Variants in KCNQ1 observed in about 807,000 individuals in gnomAD.
KCNQ1 encodes potassium voltage-gated channel subfamily Q member 1.
Under a neutral mutation model 72.4 loss-of-function variants are expected in KCNQ1, and 49 were observed. That is an observed-to-expected ratio of 0.68 (90% CI 0.54 to 0.86). KCNQ1 has a LOEUF of 0.86. Among genes scored for constraint, KCNQ1 ranks in the 40% least tolerant of loss-of-function variants. KCNQ1 has a pLI of 0.00. For missense variants in KCNQ1, 790 were observed against 945.1 expected, an observed-to-expected ratio of 0.84 and a Z score of 2.15; for synonymous variants, 450 against 412.6, an observed-to-expected ratio of 1.09 and a Z score of -1.10.
rs554364928 is a variant in KCNQ1, at chr11:2,603,237, A to T, written c.1393+14383A>T. ...TATATTGTAGTCTATTAAGTGTGCA[A>T]TAGCCCCATGTCTAAGAAAACAATG... On this transcript the variant is annotated intron_variant, in intron 10 of 15. Transcript: ENST00000155840. The surrounding 1 kb of genome is among the most constrained non-coding windows in gnomAD (Gnocchi z 4.1). Among the ~76,000 whole-genome samples the T allele has an allele frequency of 6.6e-6, 1 of 152,338 alleles. No individual in the cohort carries two copies. Among genetic ancestry groups the T allele is most frequent in the African/African-American group, 2.4e-5 (1 of 41,574 alleles).
intron 2 of KCNQ1, 52 bp from the exon 3 acceptor site, chr11:2,570,576 G>T: frequency 1.2e-6 from 2 of 1,606,016 alleles, no homozygotes; most frequent in Non-Finnish European, 8.5e-7. Flanking sequence ...AGGGTCTGAA[G>T]CCACTCAAGG....
At position 2,559,158 on chromosome 11, in the gene KCNQ1, T is replaced by C. The variant is rs2133705459; in HGVS notation, c.478-11470T>C. 6.6e-6 allele frequency among the ~76,000 whole-genome samples: 1 copy of C among 151,952 alleles called. No homozygotes were observed. Among genetic ancestry groups the C allele is most frequent in the Non-Finnish European group, 1.5e-5 (1 of 67,926 alleles). On this transcript the variant is annotated intron_variant, in intron 2 of 15. Coordinates refer to ENST00000155840, the MANE Select transcript of KCNQ1 (RefSeq NM_000218.3). The surrounding 1 kb of genome is among the most constrained non-coding windows in gnomAD (Gnocchi z 4.9). ...CTCAAGGAGTGTCCCTTGAGCAAAATATTGCACTTTCGTTGCTCTCTGAAA... is the reference window on the plus strand; with the variant it reads ...CTCAAGGAGTGTCCCTTGAGCAAAACATTGCACTTTCGTTGCTCTCTGAAA...
intron 11 of KCNQ1, among the ~76,000 whole-genome samples, chr11:2,726,366 C>G (rs1036552196): frequency 3.3e-5 from 5 of 152,224 alleles, no homozygotes; most frequent in African/African-American, 1.2e-4. Context: ...AGATCACAGA[C>G]GGTGTGTCGA....
intron 1 of KCNQ1, among the ~76,000 whole-genome samples, chr11:2,456,938 C>CA (rs58543586): frequency 9.6e-5 from 5 of 52,070 alleles, no homozygotes; most frequent in East Asian, 4.2e-4. Context: ...GACTCGGTCT[C>CA]AAAAAAAAAA....
At chr11:2,688,949 G>A (rs1487874704) in intron 11 of KCNQ1, 13 of 398,740 alleles carry the variant, frequency 3.3e-5, no homozygotes, top group Non-Finnish European at 4.9e-5. Context: ...CACCCACTGG[G>A]CCTAGGGCTC....
intron 11 of KCNQ1, among the ~76,000 whole-genome samples, chr11:2,753,181 T>C (rs1013190109): frequency 6.6e-6 from 1 of 152,104 alleles, no homozygotes; most frequent in Admixed American, 6.5e-5. Context: ...GTGGATGTCA[T>C]TACATGAGCA....
rs1193375040 is a variant in KCNQ1, at chr11:2,782,859, T to C, written c.1794+4822T>C. 2.6e-5 allele frequency among the ~76,000 whole-genome samples: 4 copies of C among 152,210 alleles called. No homozygotes were observed. Among genetic ancestry groups the C allele is most frequent in the Non-Finnish European group, 2.9e-5 (2 of 68,028 alleles). ...GACACTATTCCCCTGTCTTATTAAA[T>C]GTTTCGTGGACTTCTGGCTTTGCTG... On this transcript the variant is annotated intron_variant, in intron 15 of 15. Transcript: ENST00000155840. This position sits in a 1 kb window ranked among gnomAD's most constrained non-coding sequence, Gnocchi z 6.1.
At chr11:2,634,650 G>A (rs1357009467) in intron 10 of KCNQ1, 2 of 152,192 alleles carry the variant, frequency 1.3e-5, no homozygotes, top group Non-Finnish European at 2.9e-5. Flanking sequence ...ACGTGTGCAT[G>A]TGTCTTTATA....
At chr11:2,615,877 A>G (rs1300392967) in intron 10 of KCNQ1, 3 of 398,046 alleles carry the variant, frequency 7.5e-6, no homozygotes, top group Non-Finnish European at 8.9e-6. Flanking sequence ...TACTGGCCTC[A>G]TAGAATGTAT....
rs1322329405 is a variant in KCNQ1, at chr11:2,626,743, G to T, written c.1394-35218G>T. On this transcript the variant is annotated intron_variant, in intron 10 of 15. Coordinates refer to ENST00000155840, the MANE Select transcript of KCNQ1 (RefSeq NM_000218.3). The surrounding 1 kb of genome is among the most constrained non-coding windows in gnomAD (Gnocchi z 4.0). ...GAGGTCTCCCTGTGTTCCCCAGGCT[G>T]GTCTCAAACTCCTGGACTCAGAAGT... 2.5e-6 allele frequency: 1 copy of T among 398,216 alleles called. No individual in the cohort carries two copies. Among genetic ancestry groups the T allele is most frequent in the African/African-American group, 2.1e-5 (1 of 48,522 alleles). The allele number at this position is 398,216 out of a possible 1,614,324, so 24.7% of individuals were successfully genotyped here.
intron 11 of KCNQ1, chr11:2,689,884 C>A: frequency 2.5e-6 from 1 of 398,790 alleles, no homozygotes; most frequent in South Asian, 1.3e-4. Flanking sequence ...CAGCCCCATC[C>A]CTGGGGAAGG....
At chr11:2,505,292 TTTAC>T (rs1229795361) in intron 1 of KCNQ1, among the ~76,000 whole-genome samples, 1 of 152,176 alleles carries the variant, frequency 6.6e-6, no homozygotes, top group Middle Eastern at 3.2e-3. Flanking sequence ...ATTTTTCCAT[TTTAC>T]TTCTATTATT....
At chr11:2,820,958 C>T (rs1287785243) in intron 15 of KCNQ1, among the ~76,000 whole-genome samples, 3 of 152,272 alleles carry the variant, frequency 2.0e-5, no homozygotes, top group Non-Finnish European at 4.4e-5. Flanking sequence ...CTGGCCCGTG[C>T]TGGGCCTCGG....
At chr11:2,572,637 G>A (rs906557391) in intron 5 of KCNQ1, among the ~76,000 whole-genome samples, 2 of 152,236 alleles carry the variant, frequency 1.3e-5, no homozygotes, top group Non-Finnish European at 2.9e-5. Flanking sequence ...CGACCCCAGG[G>A]CTGAGCCTCA....
chr11:2,585,148 CT>C, intron 7 of KCNQ1, 63 bp from the exon 8 acceptor site: 1 of 1,433,638 alleles, frequency 7.0e-7, no homozygotes, highest in South Asian at 1.1e-5. Context: ...TAACCACGTC[CT>C]GAGGCTGCAC....
At chr11:2,470,536 T>C (rs1475439540) in intron 1 of KCNQ1, among the ~76,000 whole-genome samples, 9 of 152,132 alleles carry the variant, frequency 5.9e-5, no homozygotes, top group Non-Finnish European at 1.3e-4. Context: ...CGGCGTCTTA[T>C]GAAAAGGCTG....
In KCNQ1 at chr11:2,724,534, C is replaced by T. The variant is rs1354194628; in HGVS notation, c.1515-44310C>T. On this transcript the variant is annotated intron_variant, in intron 11 of 15. Coordinates refer to ENST00000155840, the MANE Select transcript of KCNQ1 (RefSeq NM_000218.3). This position sits in a 1 kb window ranked among gnomAD's most constrained non-coding sequence, Gnocchi z 6.8. ...GCTGTCCTGCAAGGCCGTGGCTGCA[C>T]TGAGGGCAGAAGGGGCCTTGTCACC... Among the ~76,000 whole-genome samples the T allele has an allele frequency of 6.6e-6, 1 of 152,214 alleles. No homozygotes were observed. Among genetic ancestry groups the T allele is most frequent in the Non-Finnish European group, 1.5e-5 (1 of 68,032 alleles).
At chr11:2,530,582 C>G (rs568612690) in intron 2 of KCNQ1, among the ~76,000 whole-genome samples, 1 of 152,286 alleles carries the variant, frequency 6.6e-6, no homozygotes, top group African/African-American at 2.4e-5. Context: ...CACGCATGTG[C>G]GTGTTTATGG....
In KCNQ1 at chr11:2,462,555, G is replaced by A. The variant is rs1015638348; in HGVS notation, c.386+17071G>A. ...TGTGCCCCCCGTGAGGCCCCCACCT[G>A]TTACTGAGTGGCAGGGACGTGCTCC... On this transcript the variant is annotated intron_variant, in intron 1 of 15. Coordinates refer to ENST00000155840, the MANE Select transcript of KCNQ1 (RefSeq NM_000218.3). The surrounding 1 kb of genome is among the most constrained non-coding windows in gnomAD (Gnocchi z 8.2). Among the ~76,000 whole-genome samples the A allele has an allele frequency of 2.0e-5, 3 of 152,166 alleles. No homozygotes were observed. The highest frequency in any genetic ancestry group is 7.2e-5 in the African/African-American group (3 of 41,446).
Sources: allele counts gnomAD v4.1 joint callset (sites outside exome capture counted in the v4.1 genomes callset), GRCh38; gene constraint gnomAD v4.1.1; non-coding constraint Gnocchi (gnomAD v3.1); transcripts MANE v1.5; gene names NCBI Gene and HGNC (gene_info 2026-07-23, HGNC 2026-07-21).